The following ATP2C2 variants were observed in gnomAD, a reference collection of about 807,000 sequenced individuals.
ATP2C2 encodes the protein ATPase secretory pathway Ca2+ transporting 2.
A neutral mutation model predicts 110.8 loss-of-function variants in ATP2C2; 171 were observed. The observed-to-expected ratio is 1.54, with a 90% confidence interval of 1.36 to 1.75. The LOEUF is 1.75. Among genes scored for constraint, ATP2C2 ranks in the 40% most tolerant of loss-of-function variants. ATP2C2 has a pLI of 0.00. For missense variants in ATP2C2, 1,963 were observed against 1,235.0 expected (o/e 1.59, Z -8.84); for synonymous variants, 804 against 508.4 (o/e 1.58, Z -7.82).
intron 25 of ATP2C2, 81 bp from the exon 26 acceptor site, chr16:84,461,907 C>A: frequency 6.2e-7 from 1 of 1,605,758 alleles, no homozygotes; most frequent in Non-Finnish European, 8.5e-7. Context: ...GGCTCTGGCT[C>A]AGCGTGGGCA....
At position 84,432,566 on chromosome 16, in the gene ATP2C2, G is replaced by A. The variant is rs184136772; in HGVS notation, c.987-6600G>A. Among the ~76,000 whole-genome samples, 660 of 152,148 alleles carry A rather than the reference G, an allele frequency of 4.3e-3. 3 individuals carry two copies. The highest frequency in any genetic ancestry group is 0.015 in the African/African-American group (623 of 41,506). On this transcript the variant is annotated intron_variant, in intron 11 of 26. Transcript: ENST00000262429. ...TGAGATGGAGTCTTGCTCTGTCCAG[G>A]CTGGAGTGCAGTGGCGTGATCTTGG...
At chr16:84,449,377 T>G (rs1910049512) in intron 17 of ATP2C2, among the ~76,000 whole-genome samples, 1 of 152,206 alleles carries the variant, frequency 6.6e-6, no homozygotes, top group African/African-American at 2.4e-5. Flanking sequence ...TGTCCCCTCT[T>G]CCCGAGTGAG....
At chr16:84,424,599 T>TTTA (rs376880864) in intron 10 of ATP2C2, among the ~76,000 whole-genome samples, 31 of 131,306 alleles carry the variant, frequency 2.4e-4, no homozygotes, top group African/African-American at 2.9e-4. Flanking sequence ...TTTTTTTTTT[T>TTTA]AACATTTTGG....
intron 6 of ATP2C2, among the ~76,000 whole-genome samples, chr16:84,414,068 G>C (rs574310093): frequency 4.6e-5 from 7 of 152,296 alleles, no homozygotes; most frequent in Non-Finnish European, 1.0e-4. Flanking sequence ...ACTGGTAGAA[G>C]GGTGAGGACA....
intron 1 of ATP2C2, among the ~76,000 whole-genome samples, chr16:84,371,668 C>G (rs908667102): frequency 6.6e-6 from 1 of 152,206 alleles, no homozygotes; most frequent in Non-Finnish European, 1.5e-5. Context: ...CTGTCTCTGC[C>G]CCTCAGGGCT....
chr16:84,439,736 T>C (rs1269710812), intron 13 of ATP2C2, among the ~76,000 whole-genome samples: 1 of 152,254 alleles, frequency 6.6e-6, no homozygotes, highest in Non-Finnish European at 1.5e-5. Context: ...CCTCCTTTTT[T>C]AGTTACTTAT....
chr16:84,410,869 C>G (rs1284120159), intron 6 of ATP2C2, 104 bp downstream of exon 6: 3 of 1,158,022 alleles, frequency 2.6e-6, no homozygotes, highest in Admixed American at 3.9e-5. Context: ...TAGTGTCGGA[C>G]AAGAGAACCA....
chr16:84,390,838 G>C (rs755041077), intron 1 of ATP2C2, among the ~76,000 whole-genome samples: 4 of 152,160 alleles, frequency 2.6e-5, no homozygotes, highest in Non-Finnish European at 4.4e-5. Flanking sequence ...AGGGGGCCGG[G>C]CGCGGTGGCT....
intron 6 of ATP2C2, among the ~76,000 whole-genome samples, chr16:84,412,456 GTCTC>G (rs1471394491): frequency 6.7e-6 from 1 of 148,434 alleles, no homozygotes; most frequent in Non-Finnish European, 1.5e-5. Context: ...GTGTGTCTGT[GTCTC>G]CGTGTGTGTG....
intron 1 of ATP2C2, 107 bp from the exon 2 acceptor site, chr16:84,398,392 T>A: frequency 3.6e-6 from 2 of 557,404 alleles, no homozygotes; most frequent in Admixed American, 4.1e-5. Flanking sequence ...GGTGACAGAG[T>A]GAGACTCCAT....
At position 84,405,359 on chromosome 16, in the gene ATP2C2, C is replaced by A. The variant is rs143871332; in HGVS notation, c.327+115C>A. 6,256 of 855,318 alleles carry A rather than the reference C, an allele frequency of 7.3e-3. 41 individuals carry two copies. The highest frequency in any genetic ancestry group is 9.3e-3 in the Non-Finnish European group (5,156 of 554,996). The allele number at this position is 855,318 out of a possible 1,614,324, so 53.0% of individuals were successfully genotyped here. ...ATCCTTGGACAGCTCCCGCCCCTTTCACGCTGCCCCAGCCAGCCTGAGCAT... is the reference window on the plus strand; with the variant it reads ...ATCCTTGGACAGCTCCCGCCCCTTTAACGCTGCCCCAGCCAGCCTGAGCAT... On this transcript the variant is annotated intron_variant, in intron 3 of 26. Transcript: ENST00000262429.
chr16:84,446,452 C>T, intron 16 of ATP2C2, 22 bp downstream of exon 16: 1 of 1,523,230 alleles, frequency 6.6e-7, no homozygotes, highest in Non-Finnish European at 8.9e-7. Context: ...CAATCTTCAA[C>T]CTCTTCTCTC....
chr16:84,449,725 G>A (rs117187750), intron 17 of ATP2C2, among the ~76,000 whole-genome samples: 7,010 of 152,316 alleles, frequency 0.046, 205 homozygotes, highest in Middle Eastern at 0.092. Flanking sequence ...TGGAGAGATT[G>A]GGAGACAATC....
chr16:84,454,697 G>C (rs1026732922), intron 20 of ATP2C2, 121 bp from the exon 21 acceptor site: 93 of 1,043,610 alleles, frequency 8.9e-5, no homozygotes, highest in Non-Finnish European at 1.2e-4. Flanking sequence ...GGTGAAGCTG[G>C]GATTCGAATT....
chr16:84,462,424 G>A lies in ATP2C2; in HGVS notation c.2722+295G>A, dbSNP rs536264822. 2.5e-5 allele frequency: 8 copies of A among 318,644 alleles called. No individual in the cohort carries two copies. The South Asian group carries it at 5.0e-4, about 20-fold the overall frequency. 19.7% of individuals were successfully genotyped at this position (318,644 alleles called of 1,614,324 possible). Reference sequence around the variant, plus strand: ...GGCTGGAGGCTCAGAGCACGTGCAGGGAGGAAGGAGGGAGCAAGGCCTGTA... The same window carrying A: ...GGCTGGAGGCTCAGAGCACGTGCAGAGAGGAAGGAGGGAGCAAGGCCTGTA... On this transcript the variant is annotated intron_variant, in intron 26 of 26. Coordinates refer to ENST00000262429, the MANE Select transcript of ATP2C2 (RefSeq NM_014861.4).
rs866325170 is a variant in ATP2C2 at position 84,414,981 on chromosome 16, G to A, written c.516-502G>A. Among the ~76,000 whole-genome samples the A allele has an allele frequency of 4.6e-5, 7 of 152,224 alleles. No individual in the cohort carries two copies. The South Asian group carries it at 1.2e-3, about 27-fold the overall frequency. ...GCTGGGACGGGCAAGCGGCGGTGGTGTGGGGGATTCCATTTGGAGCCTGTA... is the reference window on the plus strand; with the variant it reads ...GCTGGGACGGGCAAGCGGCGGTGGTATGGGGGATTCCATTTGGAGCCTGTA... On this transcript the variant is annotated intron_variant, in intron 6 of 26. Coordinates refer to ENST00000262429, the MANE Select transcript of ATP2C2 (RefSeq NM_014861.4).
chr16:84,409,456 A>G (rs1906075445), intron 4 of ATP2C2, among the ~76,000 whole-genome samples: 1 of 152,198 alleles, frequency 6.6e-6, no homozygotes, highest in Admixed American at 6.5e-5. Context: ...TAACAAGAAA[A>G]AAAAATGGAT....
chr16:84,459,189 G>GT lies in ATP2C2; in HGVS notation c.2216+2dup. ...ACTTTGTCCGATTCCAGCTGAGCAC[G>GT]TAAGTAGAGGCCAGCATTCCGAGTG... On this transcript the variant is annotated splice_donor_variant, in intron 22 of 26. Coordinates refer to ENST00000262429, the MANE Select transcript of ATP2C2 (RefSeq NM_014861.4). LOFTEE classifies it high-confidence loss of function. 3 of 1,614,230 alleles carry GT rather than the reference G, an allele frequency of 1.9e-6. No individual in the cohort carries two copies. Among genetic ancestry groups the GT allele is most frequent in the African/African-American group, 1.3e-5 (1 of 75,070 alleles).
At chr16:84,461,083 C>CT in intron 24 of ATP2C2, 1 of 435,652 alleles carries the variant, frequency 2.3e-6, no homozygotes. Flanking sequence ...TGAGGACAGG[C>CT]TGCCCCCTGT....
Sources: gnomAD v4.1 joint callset for allele counts (sites outside exome capture counted in the v4.1 genomes callset) on GRCh38, gnomAD v4.1.1 for gene constraint, MANE v1.5 for transcripts, NCBI Gene and HGNC (gene_info 2026-07-23, HGNC 2026-07-21) for gene names.